FAM110B: variants seen among roughly 807,000 people sequenced by gnomAD.
FAM110B encodes family with sequence similarity 110 member B.
A neutral mutation model predicts 20.4 loss-of-function variants in FAM110B; 6 were observed. That is an observed-to-expected ratio of 0.29 (90% CI 0.16 to 0.58). The LOEUF (loss-of-function observed/expected upper bound fraction) is 0.58. Among genes scored for constraint, FAM110B ranks in the 20% least tolerant of loss-of-function variants. The pLI is 0.90. For missense variants in FAM110B, 434 were observed against 498.2 expected, an observed-to-expected ratio of 0.87 and a Z score of 1.23; for synonymous variants, 226 against 214.1, an observed-to-expected ratio of 1.06 and a Z score of -0.49.
intron 2 of FAM110B, among the ~76,000 whole-genome samples, chr8:58,051,795 A>G (rs1805447926): frequency 6.6e-6 from 1 of 151,264 alleles, no homozygotes; most frequent in Non-Finnish European, 1.5e-5. Context: ...CCAGAGGCAC[A>G]TGGGTTGGAA....
At chr8:58,064,218 C>G (rs1456025628) in intron 2 of FAM110B, among the ~76,000 whole-genome samples, 1 of 152,158 alleles carries the variant, frequency 6.6e-6, no homozygotes, top group South Asian at 2.1e-4. Flanking sequence ...TACAATTTGA[C>G]ATGAGATTTT....
chr8:58,134,046 A>T (rs537723193), intron 3 of FAM110B, among the ~76,000 whole-genome samples: 1 of 152,230 alleles, frequency 6.6e-6, no homozygotes, highest in African/African-American at 2.4e-5. Flanking sequence ...GCTGCAATAA[A>T]TAGGTGTCTA....
intron 2 of FAM110B, among the ~76,000 whole-genome samples, chr8:58,040,115 G>A (rs922247505): frequency 6.6e-6 from 1 of 151,884 alleles, no homozygotes; most frequent in Non-Finnish European, 1.5e-5. Flanking sequence ...GCCTCCCAAA[G>A]CACTGGAATT....
intron 1 of FAM110B, among the ~76,000 whole-genome samples, chr8:57,997,294 G>T (rs1804206854): frequency 6.6e-6 from 1 of 152,132 alleles, no homozygotes; most frequent in Admixed American, 6.5e-5. Context: ...CAATCTTTTT[G>T]GGAATACAGT....
At chr8:58,052,913 G>C (rs922937490) in intron 2 of FAM110B, among the ~76,000 whole-genome samples, 18 of 148,924 alleles carry the variant, frequency 1.2e-4, no homozygotes, top group Admixed American at 1.3e-4. Context: ...AGCCTCCCGA[G>C]TAGCTGGGAC....
At chr8:58,118,934 C>T (rs16923066) in intron 3 of FAM110B, among the ~76,000 whole-genome samples, 8,856 of 152,266 alleles carry the variant, frequency 0.058, 398 homozygotes, top group African/African-American at 0.12. Context: ...ACATTGCCTA[C>T]AGACATTATT....
At chr8:58,081,562 C>T (rs925210259) in intron 3 of FAM110B, among the ~76,000 whole-genome samples, 1 of 152,122 alleles carries the variant, frequency 6.6e-6, no homozygotes, top group Non-Finnish European at 1.5e-5. Context: ...AACGTTGTTT[C>T]TCCCAGTTAT....
At chr8:58,098,782 G>GCC (rs1563369488) in intron 3 of FAM110B, 9 of 152,336 alleles carry the variant, frequency 5.9e-5, no homozygotes, top group African/African-American at 2.2e-4. Flanking sequence ...CTAGGGGAGG[G>GCC]AGTTCCCTGG....
At chr8:58,110,909 T>C (rs1400240672) in intron 3 of FAM110B, among the ~76,000 whole-genome samples, 4 of 152,186 alleles carry the variant, frequency 2.6e-5, no homozygotes, top group Admixed American at 1.3e-4. Context: ...TGAAAGGTGT[T>C]ATAGGAGCAT....
At chr8:58,086,402 A>G (rs1278263700) in intron 3 of FAM110B, among the ~76,000 whole-genome samples, 4 of 152,240 alleles carry the variant, frequency 2.6e-5, no homozygotes, top group Non-Finnish European at 5.9e-5. Flanking sequence ...TTTATTAATA[A>G]TACTTCATGT....
chr8:58,001,446 G>C (rs1804293968), intron 1 of FAM110B, among the ~76,000 whole-genome samples: 1 of 152,130 alleles, frequency 6.6e-6, no homozygotes, highest in Admixed American at 6.5e-5. Flanking sequence ...TTTCCAGTTA[G>C]AAGTGGCTCT....
chr8:58,143,738 C>A (rs1033230833), intron 3 of FAM110B, among the ~76,000 whole-genome samples: 2 of 152,184 alleles, frequency 1.3e-5, no homozygotes, highest in African/African-American at 4.8e-5. Context: ...TTAACAGACA[C>A]GCAGGTGTGC....
chr8:58,118,398 C>G (rs969377217), intron 3 of FAM110B, among the ~76,000 whole-genome samples: 1 of 152,220 alleles, frequency 6.6e-6, no homozygotes, highest in Non-Finnish European at 1.5e-5. Flanking sequence ...TAGGATTTCA[C>G]TCTTCCCATC....
chr8:58,145,342 G>A (rs1283114248), intron 3 of FAM110B, among the ~76,000 whole-genome samples: 1 of 149,744 alleles, frequency 6.7e-6, no homozygotes, highest in Non-Finnish European at 1.5e-5. Flanking sequence ...AAACTTTGTA[G>A]CTTTGCTGCC....
chr8:58,045,163 G>A (rs186045082), intron 2 of FAM110B, among the ~76,000 whole-genome samples: 42 of 152,262 alleles, frequency 2.8e-4, no homozygotes, highest in Admixed American at 2.5e-3. Context: ...CTAGCACGGG[G>A]CTTCATGTGG....
intron 2 of FAM110B, among the ~76,000 whole-genome samples, chr8:58,048,079 G>A (rs1412548294): frequency 1.3e-5 from 2 of 152,162 alleles, no homozygotes; most frequent in African/African-American, 4.8e-5. Flanking sequence ...CCAGCTTGAA[G>A]CTCTAGGGTG....
At chr8:58,136,003 CTTTTTTTT>C (rs5891669) in intron 3 of FAM110B, among the ~76,000 whole-genome samples, 2 of 71,488 alleles carry the variant, frequency 2.8e-5, no homozygotes, top group Admixed American at 1.6e-4. Flanking sequence ...CCAGCAAGTC[CTTTTTTTT>C]TTTTTTTTTT....
At chr8:58,004,520 G>A (rs1804362393) in intron 1 of FAM110B, among the ~76,000 whole-genome samples, 1 of 152,204 alleles carries the variant, frequency 6.6e-6, no homozygotes, top group Non-Finnish European at 1.5e-5. Flanking sequence ...CAAGGTGGGT[G>A]GATCACTTGA....
At chr8:58,036,043 C>T (rs1395639732) in intron 2 of FAM110B, among the ~76,000 whole-genome samples, 1 of 152,178 alleles carries the variant, frequency 6.6e-6, no homozygotes, top group Non-Finnish European at 1.5e-5. Context: ...TGCTACTACA[C>T]TTGCTGTTTC....
Sources: allele counts gnomAD v4.1 joint callset (sites outside exome capture counted in the v4.1 genomes callset), GRCh38; gene constraint gnomAD v4.1.1; transcripts MANE v1.5; gene names NCBI Gene and HGNC (gene_info 2026-07-23, HGNC 2026-07-21).